The following MAP3K20 variants were observed in gnomAD, a reference collection of about 807,000 sequenced individuals.
The protein encoded by MAP3K20 is HCCS-4.
In MAP3K20, 40 loss-of-function variants were observed where a neutral mutation model predicts 85.7. The observed-to-expected ratio is 0.47, with a 90% CI of 0.36 to 0.61. The LOEUF (loss-of-function observed/expected upper bound fraction) is 0.61. Ranked by LOEUF, MAP3K20 falls within the 20% of genes least tolerant of loss-of-function variation. The pLI is 0.00. For missense variants in MAP3K20, 817 were observed against 961.7 expected (o/e 0.85, Z 1.99); for synonymous variants, 325 against 327.7 (o/e 0.99, Z 0.09).
chr2:173,219,467 A>G lies in MAP3K20; in HGVS notation c.987+2217A>G, dbSNP rs139540252. 2.6e-3 allele frequency among the ~76,000 whole-genome samples: 391 copies of G among 152,346 alleles called. 1 individual carries two copies. Among genetic ancestry groups the G allele is most frequent in the Non-Finnish European group, 4.0e-3 (274 of 68,034 alleles). On this transcript the variant is annotated intron_variant, in intron 11 of 19. Coordinates refer to ENST00000375213, the MANE Select transcript of MAP3K20 (RefSeq NM_016653.3). ...ATATAGGCTTATCTGAGACACATTTATAGAGATCTTTAGAGTCAAACCTCA... is the reference window on the plus strand; with the variant it reads ...ATATAGGCTTATCTGAGACACATTTGTAGAGATCTTTAGAGTCAAACCTCA...
At chr2:173,232,250 T>C in intron 13 of MAP3K20, 28 bp downstream of exon 13, 1 of 1,614,210 alleles carries the variant, frequency 6.2e-7, no homozygotes, top group Non-Finnish European at 8.5e-7. Context: ...CCTTCTTCAA[T>C]CATGGAGTTA....
intron 16 of MAP3K20, among the ~76,000 whole-genome samples, chr2:173,242,940 C>CAA (rs1448750045): frequency 6.6e-6 from 1 of 151,852 alleles, no homozygotes; most frequent in Non-Finnish European, 1.5e-5. Context: ...CTCCTGACCT[C>CAA]GTGATCCACC....
At chr2:173,219,912 C>CA (rs543693908) in intron 11 of MAP3K20, among the ~76,000 whole-genome samples, 4,037 of 151,806 alleles carry the variant, frequency 0.027, 86 homozygotes, top group Middle Eastern at 0.059. Flanking sequence ...ACTAAAAATA[C>CA]AAAAAATTAG....
intron 16 of MAP3K20, among the ~76,000 whole-genome samples, chr2:173,244,508 T>G (rs1684870600): frequency 6.6e-6 from 1 of 152,166 alleles, no homozygotes; most frequent in African/African-American, 2.4e-5. Flanking sequence ...CAGAAAGAGA[T>G]AACAAGAGAA....
chr2:173,221,191 C>T (rs781778889), intron 11 of MAP3K20: 1 of 1,573,024 alleles, frequency 6.4e-7, no homozygotes, highest in African/African-American at 1.3e-5. Context: ...AGGAGTCTTA[C>T]TTTGAATCTA....
intron 2 of MAP3K20, among the ~76,000 whole-genome samples, chr2:173,107,384 A>T (rs1395789818): frequency 1.3e-5 from 2 of 151,982 alleles, no homozygotes; most frequent in Non-Finnish European, 2.9e-5. Context: ...AGTTGAGAAG[A>T]TATGGGAGGA....
intron 18 of MAP3K20, among the ~76,000 whole-genome samples, chr2:173,263,244 C>A (rs931521028): frequency 2.6e-5 from 4 of 152,162 alleles, no homozygotes; most frequent in Admixed American, 2.6e-4. Context: ...CCCCTCCGTG[C>A]AGGTAATTCA....
chr2:173,091,805 G>T (rs1376558367), intron 2 of MAP3K20, among the ~76,000 whole-genome samples: 2 of 152,120 alleles, frequency 1.3e-5, no homozygotes, highest in Non-Finnish European at 2.9e-5. Flanking sequence ...TCCTAGTTGA[G>T]CTCAGAGTTC....
chr2:173,224,275 G>T (rs577803983), intron 11 of MAP3K20: 2 of 985,366 alleles, frequency 2.0e-6, no homozygotes, highest in South Asian at 9.4e-5. Context: ...CTAACTTCGG[G>T]ATCCCTGCAC....
intron 2 of MAP3K20, among the ~76,000 whole-genome samples, chr2:173,118,597 G>A (rs1048553791): frequency 5.3e-5 from 8 of 152,162 alleles, no homozygotes. Flanking sequence ...ACAAGGCCTT[G>A]TTCTGAGTAC....
intron 19 of MAP3K20, among the ~76,000 whole-genome samples, chr2:173,264,401 G>A (rs573161073): frequency 1.4e-4 from 21 of 152,064 alleles, no homozygotes; most frequent in South Asian, 2.1e-4. Context: ...CTTTGCCCTC[G>A]GCTCCTCTCC....
At chr2:173,238,331 T>C (rs1684700009) in intron 14 of MAP3K20, 42 bp from the exon 15 acceptor site, 3 of 1,538,626 alleles carry the variant, frequency 1.9e-6, no homozygotes, top group Admixed American at 3.4e-5. Flanking sequence ...CTTCTCTTGG[T>C]ATTACTGGAT....
chr2:173,207,641 G>A (rs1683733007), intron 9 of MAP3K20: 1 of 152,058 alleles, frequency 6.6e-6, no homozygotes, highest in Non-Finnish European at 1.5e-5. Context: ...CTACTCTTCT[G>A]AGACTTGTGG....
rs575630590 is a variant in MAP3K20 at position 173,221,473 on chromosome 2, CGATGAT to C, written c.987+4235_987+4240del. On this transcript the variant is annotated intron_variant, in intron 11 of 19. Transcript: ENST00000375213. ...GTGATTTTGACTTGTCAGAAGGTGA[CGATGAT>C]GATGATGATGACGGTGAGGAGGAGG... 8.1e-6 allele frequency: 13 copies of C among 1,608,830 alleles called. No individual in the cohort carries two copies. The East Asian group carries it at 8.9e-5, about 11-fold the overall frequency.
chr2:173,126,375 T>C (rs562947410), intron 2 of MAP3K20, among the ~76,000 whole-genome samples: 131 of 152,198 alleles, frequency 8.6e-4, no homozygotes, highest in African/African-American at 3.0e-3. Flanking sequence ...TTTTTCTTTT[T>C]CTTTCTTTTT....
chr2:173,252,628 C>T (rs888125316), intron 16 of MAP3K20, among the ~76,000 whole-genome samples: 1 of 152,312 alleles, frequency 6.6e-6, no homozygotes, highest in East Asian at 1.9e-4. Context: ...TTTTGCTACT[C>T]GAAATCCTAG....
intron 16 of MAP3K20, among the ~76,000 whole-genome samples, chr2:173,249,942 C>G (rs1295611950): frequency 6.6e-6 from 1 of 152,146 alleles, no homozygotes; most frequent in African/African-American, 2.4e-5. Context: ...TCATACATAA[C>G]TCAAATAACA....
At chr2:173,147,260 G>A (rs1421407844) in intron 2 of MAP3K20, among the ~76,000 whole-genome samples, 1 of 152,122 alleles carries the variant, frequency 6.6e-6, no homozygotes, top group Non-Finnish European at 1.5e-5. Context: ...ATATCTAAGA[G>A]GGCTTTGCCT....
intron 2 of MAP3K20, among the ~76,000 whole-genome samples, chr2:173,115,368 C>G (rs1035259247): frequency 4.6e-5 from 7 of 152,112 alleles, no homozygotes; most frequent in African/African-American, 1.7e-4. Flanking sequence ...TGGTCCTTCC[C>G]TGATTAGCTA....
Sources: gnomAD v4.1 joint callset for allele counts (sites outside exome capture counted in the v4.1 genomes callset) on GRCh38, gnomAD v4.1.1 for gene constraint, MANE v1.5 for transcripts, NCBI Gene and HGNC (gene_info 2026-07-23, HGNC 2026-07-21) for gene names.